The following SULF1 variants were observed in gnomAD, a reference collection of about 807,000 sequenced individuals.
The protein encoded by SULF1 is sulfatase 1.
Under a neutral mutation model 110.5 loss-of-function variants are expected in SULF1, and 46 were observed. The ratio of observed to expected loss-of-function variants is 0.42; its 90% confidence interval spans 0.33 to 0.53. The LOEUF (loss-of-function observed/expected upper bound fraction) is 0.53. Among genes scored for constraint, SULF1 ranks in the 20% least tolerant of loss-of-function variants. The pLI is 0.12. For missense variants in SULF1, 941 were observed against 1,094.2 expected, an observed-to-expected ratio of 0.86 and a Z score of 1.98; for synonymous variants, 371 against 387.1, an observed-to-expected ratio of 0.96 and a Z score of 0.49.
chr8:69,601,829 T>A lies in SULF1; in HGVS notation c.1061T>A (p.Ile354Lys). The A allele has an allele frequency of 1.2e-6, 2 of 1,605,220 alleles. No individual in the cohort carries two copies. The highest frequency in any genetic ancestry group is 1.7e-6 in the Non-Finnish European group (2 of 1,175,388). The part of the protein sequence containing the change: ...IRGPSVEPGS[I>K]VPQIVLNIDL... ...GGTCCAAGTGTAGAACCAGGATCAA[T>A]GTACGTATTTCTCTGTTTGCAACAT... The change falls in exon 10 of 23, where the codon ATA (isoleucine) becomes AAA (lysine). Residue 354 changes from isoleucine to lysine, a missense_variant and splice_region_variant. This residue lies in a region of SULF1 where 822 missense variants were observed against 934.3 expected (regional missense o/e 0.88). Coordinates refer to ENST00000402687, the MANE Select transcript of SULF1 (RefSeq NM_001128205.2).
At chr8:69,575,267 A>G (rs986457951) in intron 5 of SULF1, among the ~76,000 whole-genome samples, 14 of 151,128 alleles carry the variant, frequency 9.3e-5, no homozygotes, top group African/African-American at 3.4e-4. Context: ...AAAATGGAAT[A>G]TTTTACAACC....
At chr8:69,567,240 C>T (rs1448027503) in intron 5 of SULF1, among the ~76,000 whole-genome samples, 1 of 152,104 alleles carries the variant, frequency 6.6e-6, no homozygotes, top group Non-Finnish European at 1.5e-5. Flanking sequence ...AAAAGTCATG[C>T]TCTCGGTAGT....
At chr8:69,620,489 C>G (rs546853899) in intron 13 of SULF1, among the ~76,000 whole-genome samples, 1 of 152,164 alleles carries the variant, frequency 6.6e-6, no homozygotes, top group African/African-American at 2.4e-5. Context: ...AGAAAAGACA[C>G]AAAAGAAAGC....
intron 13 of SULF1, 124 bp downstream of exon 13, chr8:69,605,056 G>T: frequency 1.5e-6 from 2 of 1,357,842 alleles, no homozygotes; most frequent in South Asian, 2.9e-5. Context: ...GGCCTTGAGG[G>T]CAAGCTCACT....
At chr8:69,531,407 A>G (rs1420170321) in intron 3 of SULF1, among the ~76,000 whole-genome samples, 1 of 152,110 alleles carries the variant, frequency 6.6e-6, no homozygotes, top group Non-Finnish European at 1.5e-5. Flanking sequence ...AGCTCTGAAG[A>G]TAGTTTTTGT....
chr8:69,547,845 G>A (rs1055311763), intron 3 of SULF1, among the ~76,000 whole-genome samples: 2 of 152,136 alleles, frequency 1.3e-5, no homozygotes, highest in East Asian at 1.9e-4. Flanking sequence ...AATGTTTCTC[G>A]AAGTTAGAAT....
At chr8:69,593,360 A>G (rs1807046290) in intron 8 of SULF1, among the ~76,000 whole-genome samples, 1 of 152,256 alleles carries the variant, frequency 6.6e-6, no homozygotes, top group African/African-American at 2.4e-5. Flanking sequence ...CTTTGCAGAA[A>G]TATTTGACAG....
intron 3 of SULF1, among the ~76,000 whole-genome samples, chr8:69,531,605 C>A (rs1813086685): frequency 6.6e-6 from 1 of 152,206 alleles, no homozygotes; most frequent in Admixed American, 6.5e-5. Context: ...ATACATTTGT[C>A]TGCTTTAGAG....
intron 22 of SULF1, among the ~76,000 whole-genome samples, chr8:69,644,350 T>A (rs1421128589): frequency 6.6e-6 from 1 of 152,164 alleles, no homozygotes; most frequent in Non-Finnish European, 1.5e-5. Flanking sequence ...GAGTCATTGG[T>A]AAAGGATAAT....
Position 69,587,332 on chromosome 8 carries a change from C to T in SULF1, c.564+824C>T, listed in dbSNP as rs77038674. Among the ~76,000 whole-genome samples, 170 of 152,288 alleles carry T rather than the reference C, an allele frequency of 1.1e-3. 1 individual carries two copies. Among genetic ancestry groups the T allele is most frequent in the African/African-American group, 3.9e-3 (161 of 41,566 alleles). Reference sequence around the variant, plus strand: ...TGCTCTATCTAGCAACCTCTCCCAACAGGCTAGATCACTTGGTAGAAATCG... The same window carrying T: ...TGCTCTATCTAGCAACCTCTCCCAATAGGCTAGATCACTTGGTAGAAATCG... On this transcript the variant is annotated intron_variant, in intron 7 of 22. Transcript: ENST00000402687.
intron 6 of SULF1, among the ~76,000 whole-genome samples, chr8:69,576,518 A>G (rs145592383): frequency 2.6e-5 from 4 of 152,190 alleles, no homozygotes; most frequent in African/African-American, 9.7e-5. Flanking sequence ...TAGGTCTCAA[A>G]TGTTCACTTC....
chr8:69,491,989 G>A (rs1809963516), upstream of SULF1, among the ~76,000 whole-genome samples: 1 of 152,070 alleles, frequency 6.6e-6, no homozygotes, highest in Non-Finnish European at 1.5e-5. Flanking sequence ...GATGGGAAAT[G>A]GAGAATTGAA....
intron 3 of SULF1, among the ~76,000 whole-genome samples, chr8:69,532,840 C>T (rs1311272703): frequency 1.3e-5 from 2 of 152,314 alleles, no homozygotes; most frequent in South Asian, 4.1e-4. Flanking sequence ...TTCTCTCCCT[C>T]CTGGAGTCCC....
At chr8:69,623,468 A>C (rs1809770693) in intron 14 of SULF1, among the ~76,000 whole-genome samples, 1 of 152,256 alleles carries the variant, frequency 6.6e-6, no homozygotes, top group Non-Finnish European at 1.5e-5. Context: ...CCTGTCTTTC[A>C]AGACTCCAGA....
At chr8:69,517,459 T>C (rs1812004856) in intron 3 of SULF1, among the ~76,000 whole-genome samples, 1 of 152,198 alleles carries the variant, frequency 6.6e-6, no homozygotes, top group Non-Finnish European at 1.5e-5. Context: ...ATATTCCTGC[T>C]TGAAATTCTA....
At chr8:69,557,613 T>C (rs2043484867) in intron 3 of SULF1, among the ~76,000 whole-genome samples, 1 of 152,092 alleles carries the variant, frequency 6.6e-6, no homozygotes, top group Non-Finnish European at 1.5e-5. Flanking sequence ...AAAACTTAAG[T>C]TTATTTATTT....
At chr8:69,491,093 G>A (rs1173942994), upstream of SULF1, among the ~76,000 whole-genome samples, 1 of 152,164 alleles carries the variant, frequency 6.6e-6, no homozygotes, top group African/African-American at 2.4e-5. Flanking sequence ...CAATCTGTAT[G>A]CGTGGAGAGC....
intron 13 of SULF1, among the ~76,000 whole-genome samples, chr8:69,612,079 T>G (rs925272661): frequency 2.6e-5 from 4 of 152,154 alleles, no homozygotes; most frequent in African/African-American, 9.7e-5. Flanking sequence ...AGCTCCCACT[T>G]GTAAGTGAGA....
intron 3 of SULF1, among the ~76,000 whole-genome samples, chr8:69,528,078 T>A (rs1812820700): frequency 6.6e-6 from 1 of 152,150 alleles, no homozygotes; most frequent in Non-Finnish European, 1.5e-5. Context: ...CTGCACAGTC[T>A]CTATCTTCCT....
Sources: gnomAD v4.1 joint callset for allele counts (sites outside exome capture counted in the v4.1 genomes callset) on GRCh38, gnomAD v4.1.1 for gene constraint, gnomAD v4.1.1 regional missense constraint, MANE v1.5 for transcripts, NCBI Gene and HGNC (gene_info 2026-07-23, HGNC 2026-07-21) for gene names.